DGKB: variants seen among roughly 807,000 people sequenced by gnomAD.
The protein encoded by DGKB is 90 kDa diacylglycerol kinase.
Under a neutral mutation model 114.3 loss-of-function variants are expected in DGKB, and 67 were observed. The ratio of observed to expected loss-of-function variants is 0.59; its 90% CI spans 0.48 to 0.72. The LOEUF (loss-of-function observed/expected upper bound fraction) is 0.72. DGKB is among the 30% of genes least tolerant of loss of function. DGKB has a pLI of 0.00. For synonymous variants in DGKB, 398 were observed against 323.1 expected (o/e 1.23, Z -2.49); for missense variants, 907 against 975.2 (o/e 0.93, Z 0.93).
At chr7:14,938,684 T>C (rs1171160527) in intron 1 of DGKB, among the ~76,000 whole-genome samples, 1 of 152,148 alleles carries the variant, frequency 6.6e-6, no homozygotes, top group Non-Finnish European at 1.5e-5. Flanking sequence ...GGAAAAATAG[T>C]TCGCAAAAGA....
rs1430715560 is a variant in DGKB, at chr7:14,567,491, TTA to T, written c.1770+6719_1770+6720del. 7.9e-4 allele frequency among the ~76,000 whole-genome samples: 69 copies of T among 87,852 alleles called. No individual in the cohort carries two copies. The East Asian group carries it at 0.018, about 23-fold the overall frequency. The allele number at this position is 87,852 out of a possible 152,430, so 57.6% of individuals were successfully genotyped here. ...TTTATATATTATATATATTTATATA[TTA>T]TATATAATTATATAATTATATATTT... On this transcript the variant is annotated intron_variant, in intron 20 of 25. Coordinates refer to ENST00000402815, the MANE Select transcript of DGKB (RefSeq NM_001350709.2).
intron 17 of DGKB, among the ~76,000 whole-genome samples, chr7:14,586,073 A>G (rs527826372): frequency 3.3e-5 from 5 of 152,284 alleles, no homozygotes; most frequent in South Asian, 2.1e-4. Flanking sequence ...TTCTCTTTCA[A>G]TCAAAAGCTA....
At chr7:14,560,105 C>T (rs778490175) in intron 20 of DGKB, among the ~76,000 whole-genome samples, 9 of 151,682 alleles carry the variant, frequency 5.9e-5, no homozygotes, top group African/African-American at 1.2e-4. Context: ...CATATTTTGG[C>T]GATTAACCCT....
chr7:14,418,130 AT>A (rs1350157043), intron 21 of DGKB, among the ~76,000 whole-genome samples: 1 of 139,108 alleles, frequency 7.2e-6, no homozygotes, highest in African/African-American at 2.6e-5. Flanking sequence ...GTTTTTAAAA[AT>A]ATATATTTTA....
Position 14,176,891 on chromosome 7 carries a change from T to G in DGKB, c.2252A>C (p.Lys751Thr). ...CCCATCAATTTGCATTGGCAGAGAC[T>G]TGCTCGTCCTGGGGGAAAATATTTC... ...QCSCVVIRTSKSLPMQIDGEP... is the reference protein window; with the variant it reads ...QCSCVVIRTSTSLPMQIDGEP... Residue 751 changes from lysine to threonine, a missense_variant, in exon 25 of 26, where the codon AAG becomes ACG. By Grantham distance (78) the Lys-to-Thr change is moderately conservative. This residue lies in a region of DGKB where 35 missense variants were observed against 66.0 expected (regional missense o/e 0.53). Transcript: ENST00000402815. The G allele has an allele frequency of 6.2e-7, 1 of 1,613,572 alleles. No individual in the cohort carries two copies. The highest frequency in any genetic ancestry group is 8.5e-7 in the Non-Finnish European group (1 of 1,179,496).
intron 16 of DGKB, among the ~76,000 whole-genome samples, chr7:14,610,127 C>T (rs1490272771): frequency 6.6e-6 from 1 of 152,058 alleles, no homozygotes; most frequent in South Asian, 2.1e-4. Context: ...ACCTAGGTAT[C>T]CATCAATGCT....
chr7:14,392,016 T>G (rs1173431296), intron 21 of DGKB, among the ~76,000 whole-genome samples: 2 of 152,174 alleles, frequency 1.3e-5, no homozygotes, highest in Admixed American at 6.5e-5. Context: ...ACATAAGAAC[T>G]ATAACTCTTA....
chr7:14,710,818 T>A (rs1585881067), intron 6 of DGKB, among the ~76,000 whole-genome samples: 1 of 152,102 alleles, frequency 6.6e-6, no homozygotes, highest in Non-Finnish European at 1.5e-5. Flanking sequence ...TTTCTAAAGT[T>A]AAGTCAAATT....
intron 1 of DGKB, among the ~76,000 whole-genome samples, chr7:14,861,161 C>T (rs1215516623): frequency 3.3e-5 from 5 of 151,900 alleles, no homozygotes; most frequent in Non-Finnish European, 7.4e-5. Flanking sequence ...GACCACCATA[C>T]TTGGTATATA....
intron 1 of DGKB, among the ~76,000 whole-genome samples, chr7:14,917,825 T>C (rs549013602): frequency 5.9e-5 from 9 of 152,104 alleles, no homozygotes; most frequent in Non-Finnish European, 1.0e-4. Flanking sequence ...TGAAAAACTA[T>C]AGACAATTAT....
At chr7:14,461,475 C>T (rs1383685338) in intron 21 of DGKB, among the ~76,000 whole-genome samples, 2 of 152,008 alleles carry the variant, frequency 1.3e-5, no homozygotes, top group Admixed American at 6.6e-5. Flanking sequence ...ACTATAAATA[C>T]CACTATGTAA....
At chr7:14,747,986 C>G (rs1294784501) in intron 4 of DGKB, among the ~76,000 whole-genome samples, 1 of 152,200 alleles carries the variant, frequency 6.6e-6, no homozygotes, top group Non-Finnish European at 1.5e-5. Flanking sequence ...TTCTGACCAT[C>G]TGGATCCTTT....
intron 1 of DGKB, among the ~76,000 whole-genome samples, chr7:14,847,769 G>C (rs922501218): frequency 5.9e-5 from 9 of 152,184 alleles, no homozygotes; most frequent in African/African-American, 1.2e-4. Context: ...GAGCAATTCA[G>C]AAAGCCAGGT....
intron 1 of DGKB, among the ~76,000 whole-genome samples, chr7:14,899,649 T>C (rs892803488): frequency 6.6e-6 from 1 of 152,154 alleles, no homozygotes; most frequent in Non-Finnish European, 1.5e-5. Flanking sequence ...CCCATGTTCA[T>C]TTTCAGAGTT....
At chr7:14,557,038 G>GA (rs2128659399) in intron 20 of DGKB, among the ~76,000 whole-genome samples, 1 of 152,220 alleles carries the variant, frequency 6.6e-6, no homozygotes, top group South Asian at 2.1e-4. Context: ...GCAACATTAG[G>GA]ATCACCTGGA....
intron 17 of DGKB, among the ~76,000 whole-genome samples, chr7:14,595,188 G>C (rs77239116): frequency 2.0e-5 from 3 of 151,964 alleles, no homozygotes; most frequent in Admixed American, 1.3e-4. Flanking sequence ...TTGAGTGAAG[G>C]GTTGTTATGT....
intron 5 of DGKB, among the ~76,000 whole-genome samples, chr7:14,731,128 C>T (rs2128387757): frequency 6.6e-6 from 1 of 152,162 alleles, no homozygotes; most frequent in South Asian, 2.1e-4. Flanking sequence ...TGGGAGGATT[C>T]CAGTATTTTA....
rs541420724 is a variant in DGKB at position 14,935,354 on chromosome 7, C to A, written c.-188+39342G>T. Among the ~76,000 whole-genome samples the A allele has an allele frequency of 6.6e-5, 10 of 152,078 alleles. No individual in the cohort carries two copies. The South Asian group carries it at 1.5e-3, about 22-fold the overall frequency. ...AGTTTCGCCAAGGCTTAATAACAGG[C>A]GTCAATGATTAGAATGCCAACCAAA... On this transcript the variant is annotated intron_variant, in intron 1 of 4. Coordinates refer to the DGKB transcript ENST00000437998.
At chr7:14,188,734 A>T (rs1584342343) in intron 23 of DGKB, among the ~76,000 whole-genome samples, 1 of 151,936 alleles carries the variant, frequency 6.6e-6, no homozygotes, top group African/African-American at 2.4e-5. Context: ...GGCATATTAT[A>T]ATCAAACCGT....
Sources: gnomAD v4.1 joint callset for allele counts (sites outside exome capture counted in the v4.1 genomes callset) on GRCh38, gnomAD v4.1.1 for gene constraint, gnomAD v4.1.1 regional missense constraint, MANE v1.5 for transcripts, NCBI Gene and HGNC (gene_info 2026-07-23, HGNC 2026-07-21) for gene names.